FHIT: variants seen among roughly 807,000 people sequenced by gnomAD.
FHIT encodes fragile histidine triad diadenosine triphosphatase.
FHIT carries 19 observed loss-of-function variants against 17.9 expected under a neutral mutation model. That is an observed-to-expected ratio of 1.06 (90% confidence interval 0.74 to 1.56). The LOEUF (loss-of-function observed/expected upper bound fraction) is 1.56, where lower values mean the gene tolerates loss of function less well. Ranked by LOEUF, FHIT falls within the 40% of genes most tolerant of loss-of-function variation. FHIT has a pLI of 0.00. For missense variants in FHIT, 248 were observed against 189.2 expected (o/e 1.31, Z -1.82); for synonymous variants, 81 against 69.7 (o/e 1.16, Z -0.81).
chr3:60,282,668 G>T (rs1159709178), intron 5 of FHIT, among the ~76,000 whole-genome samples: 1 of 152,210 alleles, frequency 6.6e-6, no homozygotes, highest in East Asian at 1.9e-4. Flanking sequence ...TTGGTGGTGG[G>T]GCGGGGATGG....
intron 5 of FHIT, among the ~76,000 whole-genome samples, chr3:60,219,820 T>C (rs370203999): frequency 2.0e-5 from 3 of 152,136 alleles, no homozygotes; most frequent in African/African-American, 7.2e-5. Context: ...TGTATCTAAA[T>C]GTGTGGTTAT....
chr3:60,384,500 C>A (rs1169427659), intron 5 of FHIT, among the ~76,000 whole-genome samples: 1 of 152,094 alleles, frequency 6.6e-6, no homozygotes, highest in Non-Finnish European at 1.5e-5. Context: ...CTTTCTCTCA[C>A]ACACACTCCA....
intron 3 of FHIT, among the ~76,000 whole-genome samples, chr3:60,871,152 T>C (rs951383971): frequency 6.6e-5 from 10 of 152,190 alleles, no homozygotes; most frequent in Non-Finnish European, 1.5e-4. Context: ...TCTGCAGCTC[T>C]TGCATGCCTG....
At position 60,775,353 on chromosome 3, in the gene FHIT, C is replaced by T. The variant is rs577830442; in HGVS notation, c.-18+46566G>A. 7.9e-5 allele frequency among the ~76,000 whole-genome samples: 12 copies of T among 152,172 alleles called. No homozygotes were observed. The East Asian group carries it at 1.4e-3, about 17-fold the overall frequency. On this transcript the variant is annotated intron_variant, in intron 4 of 9. Coordinates refer to ENST00000492590, the MANE Select transcript of FHIT (RefSeq NM_002012.4). ...GAAGACCTCCAACTGGCCTGTGCAC[C>T]GGGGTGGAGCCTCGGGAATTTCATC... is the stretch of plus-strand genomic sequence containing the variant.
At chr3:61,114,465 C>CTG (rs920310923) in intron 2 of FHIT, among the ~76,000 whole-genome samples, 8 of 152,156 alleles carry the variant, frequency 5.3e-5, no homozygotes, top group African/African-American at 1.9e-4. Context: ...GGGCCTCCAC[C>CTG]AAGTTATGTA....
chr3:61,073,148 T>G (rs1030331451), intron 2 of FHIT, among the ~76,000 whole-genome samples: 3 of 152,196 alleles, frequency 2.0e-5, no homozygotes, highest in African/African-American at 7.2e-5. Flanking sequence ...CTGTAGGTCT[T>G]GAACAACTAG....
intron 4 of FHIT, among the ~76,000 whole-genome samples, chr3:60,632,362 T>A (rs2039467914): frequency 6.6e-6 from 1 of 152,178 alleles, no homozygotes; most frequent in Non-Finnish European, 1.5e-5. Flanking sequence ...ACACCTGTAC[T>A]TCTCTTCCGA....
rs191801247 is a variant in FHIT, at chr3:60,974,394, T to C, written c.-111+67653A>G. Among the ~76,000 whole-genome samples the C allele has an allele frequency of 8.3e-3, 1,269 of 152,284 alleles. 15 individuals are homozygous for C. Among genetic ancestry groups the C allele is most frequent in the Non-Finnish European group, 0.014 (956 of 68,000 alleles). On this transcript the variant is annotated intron_variant, in intron 3 of 9. Transcript: ENST00000492590. ...TGAGCATGTGATCTACATTATTCCA[T>C]TGAGACTCAGTACTTGGATTTTATG...
chr3:59,879,888 T>A (rs1037668658), intron 8 of FHIT, among the ~76,000 whole-genome samples: 4 of 151,932 alleles, frequency 2.6e-5, no homozygotes, highest in African/African-American at 9.7e-5. Flanking sequence ...TCTGAGCCTT[T>A]AATTCAATGG....
intron 5 of FHIT, among the ~76,000 whole-genome samples, chr3:60,139,626 A>G (rs1041833138): frequency 6.6e-6 from 1 of 151,980 alleles, no homozygotes; most frequent in Non-Finnish European, 1.5e-5. Context: ...CCCCCTGACT[A>G]TGAGGGTGGG....
At chr3:60,699,784 C>T (rs1412046395) in intron 4 of FHIT, among the ~76,000 whole-genome samples, 1 of 141,552 alleles carries the variant, frequency 7.1e-6, no homozygotes, top group Non-Finnish European at 1.5e-5. Flanking sequence ...TACACACATA[C>T]ACACACACAA....
At chr3:60,408,623 T>C (rs1701958925) in intron 5 of FHIT, among the ~76,000 whole-genome samples, 1 of 152,058 alleles carries the variant, frequency 6.6e-6, no homozygotes, top group Admixed American at 6.6e-5. Context: ...AAAAGAAATG[T>C]TGACGGTTAA....
chr3:60,742,762 C>T (rs1257602086), intron 4 of FHIT, among the ~76,000 whole-genome samples: 1 of 152,146 alleles, frequency 6.6e-6, no homozygotes, highest in Non-Finnish European at 1.5e-5. Context: ...GCCCCTGAGT[C>T]CTCAGAAGAT....
intron 5 of FHIT, among the ~76,000 whole-genome samples, chr3:60,200,751 T>C (rs1702863849): frequency 6.6e-6 from 1 of 152,122 alleles, no homozygotes; most frequent in African/African-American, 2.4e-5. Context: ...TGATTTATTT[T>C]AATGCTACAC....
chr3:60,105,469 T>C (rs1704368656), intron 5 of FHIT, among the ~76,000 whole-genome samples: 1 of 152,188 alleles, frequency 6.6e-6, no homozygotes, highest in Non-Finnish European at 1.5e-5. Flanking sequence ...GCTTCTCTAC[T>C]TTTCTAGGAA....
intron 4 of FHIT, among the ~76,000 whole-genome samples, chr3:60,680,869 A>C (rs2040730448): frequency 1.3e-5 from 2 of 152,182 alleles, no homozygotes; most frequent in African/African-American, 2.4e-5. Context: ...TTATTGTTGA[A>C]ATCCCCAAAT....
intron 1 of FHIT, among the ~76,000 whole-genome samples, chr3:61,208,307 G>T (rs1287317786): frequency 1.3e-5 from 2 of 152,180 alleles, no homozygotes; most frequent in African/African-American, 2.4e-5. Flanking sequence ...ATGGGGTGGA[G>T]AGTTCTCTAG....
At chr3:60,696,564 G>T (rs1553700689) in intron 4 of FHIT, among the ~76,000 whole-genome samples, 1 of 152,088 alleles carries the variant, frequency 6.6e-6, no homozygotes. Flanking sequence ...GGAAAAATGT[G>T]CCATTCTCAG....
intron 8 of FHIT, among the ~76,000 whole-genome samples, chr3:59,922,078 C>T (rs1315363769): frequency 4.6e-5 from 7 of 152,198 alleles, no homozygotes; most frequent in African/African-American, 1.7e-4. Context: ...CAAATATTTA[C>T]TGTCCTGGTA....
Sources: allele counts gnomAD v4.1 joint callset (sites outside exome capture counted in the v4.1 genomes callset), GRCh38; gene constraint gnomAD v4.1.1; transcripts MANE v1.5; gene names NCBI Gene and HGNC (gene_info 2026-07-23, HGNC 2026-07-21).